PAGE2B: variants seen among roughly 807,000 people sequenced by gnomAD.
PAGE2B encodes the protein PAGE family member 2B, also known as putative G antigen family E member 3.
PAGE2B carries 5 observed loss-of-function variants against 7.6 expected under a neutral mutation model. The observed-to-expected ratio is 0.66, with a 90% confidence interval of 0.34 to 1.38. The LOEUF (loss-of-function observed/expected upper bound fraction) is 1.38. Ranked by LOEUF, PAGE2B falls within the 40% of genes most tolerant of loss-of-function variation. PAGE2B has a pLI of 0.04. For synonymous variants in PAGE2B, 29 were observed against 26.7 expected (o/e 1.09, Z -0.27); for missense variants, 70 against 78.4 (o/e 0.89, Z 0.41).
the PAGE2B span, chrX:55,055,075 G>A: frequency 9.0e-6 from 1 of 110,928 alleles, no homozygotes; most frequent in Non-Finnish European, 1.9e-5. Flanking sequence ...TAAGAACATC[G>A]GCCAGGCGCG....
At chrX:55,060,978 T>C in the PAGE2B span, among the ~76,000 whole-genome samples, 1 of 110,740 alleles carries the variant, frequency 9.0e-6, no homozygotes. Flanking sequence ...GAAAAAGAAA[T>C]GTAAATTAAC....
the PAGE2B span, among the ~76,000 whole-genome samples, chrX:55,052,000 T>C: frequency 8.9e-6 from 1 of 112,177 alleles, no homozygotes. Context: ...GTGGATGTCC[T>C]TTCTGTTTGT....
chrX:55,073,935 G>T (rs1241356754), upstream of PAGE2B, among the ~76,000 whole-genome samples: 1 of 111,701 alleles, frequency 9.0e-6, no homozygotes, highest in African/African-American at 3.3e-5. Context: ...TTTGGGCAGA[G>T]ATTCTGGGAT....
chrX:55,051,388 A>G, the PAGE2B span, among the ~76,000 whole-genome samples: 18 of 111,861 alleles, frequency 1.6e-4, no homozygotes, highest in African/African-American at 5.9e-4. Flanking sequence ...CTCCTGGATA[A>G]TATCCTGCAG....
At chrX:55,060,154 A>G in the PAGE2B span, among the ~76,000 whole-genome samples, 1 of 111,716 alleles carries the variant, frequency 9.0e-6, no homozygotes, top group Non-Finnish European at 1.9e-5. Context: ...GTATATAGCT[A>G]AAAGTGAAAT....
upstream of PAGE2B, among the ~76,000 whole-genome samples, chrX:55,072,754 G>T (rs1353762533): frequency 8.9e-6 from 1 of 112,466 alleles, no homozygotes; most frequent in Non-Finnish European, 1.9e-5. Context: ...CTTTCCTTCA[G>T]AGATGCCCTG....
chrX:55,047,444 T>G, the PAGE2B span, among the ~76,000 whole-genome samples: 5 of 111,737 alleles, frequency 4.5e-5, no homozygotes, highest in African/African-American at 1.3e-4. Context: ...GTAATGGGAT[T>G]GCTGGGTCAT....
chrX:55,052,538 C>G, the PAGE2B span, among the ~76,000 whole-genome samples: 1 of 112,485 alleles, frequency 8.9e-6, no homozygotes, highest in African/African-American at 3.2e-5. Flanking sequence ...CTGGCTGCCA[C>G]CTTGCAGTTT....
At chrX:55,058,719 T>C in the PAGE2B span, among the ~76,000 whole-genome samples, 1 of 111,498 alleles carries the variant, frequency 9.0e-6, no homozygotes, top group Admixed American at 9.6e-5. Flanking sequence ...ATTACTATCT[T>C]GAATTTACAG....
chrX:55,072,792 A>G (rs1003368129), upstream of PAGE2B, among the ~76,000 whole-genome samples: 1 of 112,006 alleles, frequency 8.9e-6, no homozygotes, highest in African/African-American at 3.2e-5. Context: ...TAGAGAAGCA[A>G]TCTGGCCACA....
the PAGE2B span, among the ~76,000 whole-genome samples, chrX:55,065,526 T>C: frequency 1.8e-4 from 20 of 111,451 alleles, no homozygotes; most frequent in Non-Finnish European, 3.6e-4. Flanking sequence ...GAAAGTTTGG[T>C]TCATTTACAT....
chrX:55,031,374 TCAAA>T, the PAGE2B span, among the ~76,000 whole-genome samples: 1 of 111,469 alleles, frequency 9.0e-6, no homozygotes, highest in African/African-American at 3.3e-5. Flanking sequence ...GCTTATGAGC[TCAAA>T]CAGTCAGCTT....
At chrX:55,033,284 C>T in the PAGE2B span, among the ~76,000 whole-genome samples, 4 of 111,657 alleles carry the variant, frequency 3.6e-5, no homozygotes, top group Admixed American at 3.8e-4. Flanking sequence ...ACTCGAAGTG[C>T]CCTAATGGAG....
intron 2 of PAGE2B, among the ~76,000 whole-genome samples, 197 bp downstream of exon 2, chrX:55,076,322 C>CTA (rs1257156329): frequency 1.9e-5 from 2 of 106,624 alleles, no homozygotes; most frequent in African/African-American, 7.2e-5. Context: ...CTCTCTCTCT[C>CTA]TCTCTATATA....
the PAGE2B span, chrX:55,044,949 G>A: frequency 9.0e-6 from 1 of 111,698 alleles, no homozygotes; most frequent in East Asian, 2.8e-4. Context: ...CCAAGTAAAA[G>A]TTTTTCCCAT....
the PAGE2B span, among the ~76,000 whole-genome samples, chrX:55,028,617 C>A: frequency 3.6e-5 from 4 of 111,474 alleles, no homozygotes; most frequent in East Asian, 1.1e-3. Flanking sequence ...TAGACCACTT[C>A]TTGGAATTTG....
At chrX:55,042,632 C>T in the PAGE2B span, among the ~76,000 whole-genome samples, 38 of 66,576 alleles carry the variant, frequency 5.7e-4, 1 homozygote, top group African/African-American at 1.9e-3. Flanking sequence ...CCAGCCTGGG[C>T]GACAGAGCGA....
chrX:55,037,927 G>C, the PAGE2B span, among the ~76,000 whole-genome samples: 24 of 101,696 alleles, frequency 2.4e-4, no homozygotes, highest in African/African-American at 8.5e-4. Flanking sequence ...GGGAGGGATA[G>C]CATTAGGAGA....
chrX:55,058,416 ATATAATTTGCAT>A, the PAGE2B span, among the ~76,000 whole-genome samples: 1 of 111,328 alleles, frequency 9.0e-6, no homozygotes, highest in Non-Finnish European at 1.9e-5. Context: ...ACTAGGTGTG[ATATAATTTGCAT>A]TATTTTATCT....
Sources: allele counts gnomAD v4.1 joint callset (sites outside exome capture counted in the v4.1 genomes callset), GRCh38; gene constraint gnomAD v4.1.1; transcripts MANE v1.5; gene names NCBI Gene and HGNC (gene_info 2026-07-23, HGNC 2026-07-21).